SRI: variants seen among roughly 807,000 people sequenced by gnomAD.
SRI encodes sorcin.
In SRI, 30 loss-of-function variants were observed where a neutral mutation model predicts 33.3. That is an observed-to-expected ratio of 0.90 (90% confidence interval 0.67 to 1.22). The LOEUF (loss-of-function observed/expected upper bound fraction) is 1.22. Ranked by LOEUF, SRI falls within the 50% of genes most tolerant of loss-of-function variation. SRI has a pLI of 0.00. For missense variants in SRI, 243 were observed against 250.8 expected, an observed-to-expected ratio of 0.97 and a Z score of 0.21; for synonymous variants, 75 against 89.9, an observed-to-expected ratio of 0.83 and a Z score of 0.94.
At chr7:88,221,177 A>G (rs990846226), upstream of SRI, among the ~76,000 whole-genome samples, 2 of 152,226 alleles carry the variant, frequency 1.3e-5, no homozygotes, top group African/African-American at 4.8e-5. Context: ...CCAATGTGGT[A>G]CTGTGCTTTT....
chr7:88,220,552 A>G (rs1423669742), upstream of SRI, among the ~76,000 whole-genome samples: 1 of 152,192 alleles, frequency 6.6e-6, no homozygotes, highest in Non-Finnish European at 1.5e-5. Flanking sequence ...GCGCCCTTGG[A>G]AAATAAGAAT....
chr7:88,206,256 A>G lies in SRI; in HGVS notation c.*222T>C, dbSNP rs540924596. 434 of 582,610 alleles carry G rather than the reference A, an allele frequency of 7.4e-4. 2 individuals carry two copies. Among genetic ancestry groups the G allele is most frequent in the South Asian group, 6.7e-3 (308 of 45,974 alleles). The allele number at this position is 582,610 out of a possible 1,614,324, so 36.1% of individuals were successfully genotyped here. A position where few individuals can be genotyped will look rare whatever the true frequency, so the allele number is the denominator to read the frequency against. On this transcript the variant is annotated 3_prime_UTR_variant, in exon 8 of 8. Coordinates refer to ENST00000265729, the MANE Select transcript of SRI (RefSeq NM_003130.4). Reference sequence around the variant, plus strand: ...AAGGCATGACTGATAATGGCTCAGGAAAGTTCTAAATGGTGTAACAGACTA... The same window carrying G: ...AAGGCATGACTGATAATGGCTCAGGGAAGTTCTAAATGGTGTAACAGACTA...
intron 3 of SRI, among the ~76,000 whole-genome samples, chr7:88,213,500 C>T (rs184650876): frequency 2.6e-5 from 4 of 152,272 alleles, no homozygotes; most frequent in East Asian, 3.9e-4. Flanking sequence ...ACTTCATGGT[C>T]GGCCTCATTT....
In SRI at chr7:88,206,411, C is replaced by T; in HGVS notation, c.*67G>A. The T allele has an allele frequency of 6.3e-7, 1 of 1,586,294 alleles. No homozygotes were observed. Among genetic ancestry groups the T allele is most frequent in the Non-Finnish European group, 8.7e-7 (1 of 1,154,812 alleles). On this transcript the variant is annotated 3_prime_UTR_variant, in exon 8 of 8. Transcript: ENST00000265729. ...GTAAGTTTATACATATTACCGAAGG[C>T]AAAGAGGACAAGCAAAGGAGAGCTC...
chr7:88,210,730 A>T, intron 4 of SRI, 152 bp downstream of exon 4: 1 of 701,992 alleles, frequency 1.4e-6, no homozygotes, highest in South Asian at 1.9e-5. Flanking sequence ...CTTTATTCAC[A>T]CCAAATTCCA....
At chr7:88,223,837 C>G (rs1444653294), upstream of SRI, among the ~76,000 whole-genome samples, 1 of 152,054 alleles carries the variant, frequency 6.6e-6, no homozygotes, top group Non-Finnish European at 1.5e-5. Flanking sequence ...AGCACTTTAG[C>G]AAATGATTTG....
At chr7:88,217,276 C>A (rs1851751709) in intron 2 of SRI, 85 bp from the exon 3 acceptor site, 1 of 1,086,582 alleles carries the variant, frequency 9.2e-7, no homozygotes, top group Admixed American at 1.8e-5. Flanking sequence ...GCAATAACAA[C>A]AAAGAAAATC....
chr7:88,210,241 G>T, intron 4 of SRI, 111 bp from the exon 5 acceptor site: 1 of 1,245,502 alleles, frequency 8.0e-7, no homozygotes. Flanking sequence ...AGTTATTGTA[G>T]ATTATTCTTG....
intron 1 of SRI, chr7:88,219,177 A>G: frequency 1.9e-6 from 1 of 534,072 alleles, no homozygotes; most frequent in South Asian, 2.0e-5. Context: ...TGATGTCTAC[A>G]TATGTAAAGC....
At chr7:88,208,987 T>G (rs1366809317) in intron 6 of SRI, 9 of 258,284 alleles carry the variant, frequency 3.5e-5, no homozygotes, top group Non-Finnish European at 6.7e-5. Context: ...ATTTCAGCTC[T>G]GCCCTATAGA....
chr7:88,206,514 A>G lies in SRI; in HGVS notation c.571-10T>C. 6 of 1,613,796 alleles carry G rather than the reference A, an allele frequency of 3.7e-6. No homozygotes were observed. The highest frequency in any genetic ancestry group is 5.1e-6 in the Non-Finnish European group (6 of 1,179,820). Reference sequence around the variant, plus strand: ...TGACACATTGAATGAACTGAAAGAAAAATCAGCATTATATGACAGACCTCA... The same window carrying G: ...TGACACATTGAATGAACTGAAAGAAGAATCAGCATTATATGACAGACCTCA... On this transcript the variant is annotated splice_polypyrimidine_tract_variant and intron_variant, in intron 7 of 7. Coordinates refer to ENST00000265729, the MANE Select transcript of SRI (RefSeq NM_003130.4).
At chr7:88,225,987 T>C (rs1851984269) in intron 1 of SRI, among the ~76,000 whole-genome samples, 1 of 152,172 alleles carries the variant, frequency 6.6e-6, no homozygotes, top group African/African-American at 2.4e-5. Flanking sequence ...CTGAGGCTTG[T>C]ACTGATTATC....
intron 1 of SRI, chr7:88,219,173 C>T: frequency 1.8e-6 from 1 of 542,302 alleles, no homozygotes. Context: ...AAAGTGATGT[C>T]TACATATGTA....
chr7:88,210,572 G>A (rs1851551290), intron 4 of SRI: 1 of 387,644 alleles, frequency 2.6e-6, no homozygotes, highest in Non-Finnish European at 4.8e-6. Flanking sequence ...CCAACAAGTG[G>A]GATGTGAAAA....
chr7:88,224,087 G>A (rs1411919444), upstream of SRI, among the ~76,000 whole-genome samples: 1 of 152,172 alleles, frequency 6.6e-6, no homozygotes, highest in South Asian at 2.1e-4. Flanking sequence ...AAGGCTGAGA[G>A]ATGGCAAATA....
At chr7:88,210,172 T>G (rs772224125) in intron 4 of SRI, 42 bp from the exon 5 acceptor site, 2 of 1,607,720 alleles carry the variant, frequency 1.2e-6, no homozygotes, top group Non-Finnish European at 1.7e-6. Context: ...TTGCGATATT[T>G]TCTAAGGATT....
In SRI at chr7:88,205,771, T is replaced by C. The variant is rs1851427164; in HGVS notation, c.*707A>G. The stretch of plus-strand genomic sequence containing the variant: ...CTGAAAAATACTGATATAAAGAAAA[T>C]TAAAGTCATCTAGAATTCCATTCAT... On this transcript the variant is annotated 3_prime_UTR_variant, in exon 8 of 8. Transcript: ENST00000265729. 6.6e-6 allele frequency: 1 copy of C among 152,218 alleles called. No individual in the cohort carries two copies. Among genetic ancestry groups the C allele is most frequent in the Admixed American group, 6.5e-5 (1 of 15,276 alleles). The allele number at this position is 152,218 out of a possible 1,614,324, so 9.4% of individuals were successfully genotyped here.
rs1851497194 is a variant in SRI, at chr7:88,208,835, T to C, written c.512-270A>G. Reference sequence around the variant, plus strand: ...GAGAAAATACCTTACCCAAAGTCAGTAAAAGCTGTGCAACTTCCATGGCCA... The same window carrying C: ...GAGAAAATACCTTACCCAAAGTCAGCAAAAGCTGTGCAACTTCCATGGCCA... On this transcript the variant is annotated intron_variant, in intron 6 of 7. Coordinates refer to ENST00000265729, the MANE Select transcript of SRI (RefSeq NM_003130.4). 6.9e-6 allele frequency: 3 copies of C among 436,682 alleles called. No homozygotes were observed. In the South Asian group the frequency reaches 7.1e-5, roughly 10 times the overall value. 27.1% of individuals were successfully genotyped at this position (436,682 alleles called of 1,614,324 possible). A position where few individuals can be genotyped will look rare whatever the true frequency, so the allele number is the denominator to read the frequency against.
At chr7:88,215,055 A>G (rs564257629) in intron 3 of SRI, 75 of 412,212 alleles carry the variant, frequency 1.8e-4, no homozygotes, top group African/African-American at 1.4e-3. Flanking sequence ...AGAAGGGCCC[A>G]TAGGCTCTGA....
Sources: allele counts gnomAD v4.1 joint callset (sites outside exome capture counted in the v4.1 genomes callset), GRCh38; gene constraint gnomAD v4.1.1; transcripts MANE v1.5; gene names NCBI Gene and HGNC (gene_info 2026-07-23, HGNC 2026-07-21).